GPHN: variants seen among roughly 807,000 people sequenced by gnomAD.
The protein encoded by GPHN is gephyrin.
GPHN carries 17 observed loss-of-function variants against 95.5 expected under a neutral mutation model. The ratio of observed to expected loss-of-function variants is 0.18; its 90% CI spans 0.12 to 0.27. GPHN has a LOEUF of 0.27. Ranked by LOEUF, GPHN falls within the 10% of genes least tolerant of loss-of-function variation. The probability of loss-of-function intolerance (pLI) is 1.00; values close to 1 mark genes in which losing one functional copy is unlikely to be tolerated. For missense variants in GPHN, 660 were observed against 978.1 expected (o/e 0.67, Z 4.34); for synonymous variants, 320 against 322.5 (o/e 0.99, Z 0.08).
the GPHN span, among the ~76,000 whole-genome samples, chr14:67,633,550 T>C: frequency 5.3e-5 from 8 of 152,216 alleles, no homozygotes; most frequent in African/African-American, 1.9e-4. Context: ...TGCCCCTCTA[T>C]TGCTGGACAC....
intron 11 of GPHN, among the ~76,000 whole-genome samples, chr14:67,069,220 A>G (rs1256605482): frequency 6.6e-6 from 1 of 152,146 alleles, no homozygotes; most frequent in African/African-American, 2.4e-5. Context: ...TGTGTAAATA[A>G]TTTTATTTTC....
the GPHN span, among the ~76,000 whole-genome samples, chr14:67,379,423 A>G: frequency 1.3e-5 from 2 of 151,812 alleles, no homozygotes; most frequent in Non-Finnish European, 2.9e-5. Context: ...AACCATTTGT[A>G]TTTCTTCTGT....
chr14:66,590,888 A>G (rs2061612235), intron 1 of GPHN, among the ~76,000 whole-genome samples: 1 of 152,196 alleles, frequency 6.6e-6, no homozygotes, highest in Admixed American at 6.5e-5. Context: ...TGATATGAAC[A>G]TCAATGCAAA....
At chr14:66,964,683 C>G (rs2069187852) in intron 8 of GPHN, among the ~76,000 whole-genome samples, 1 of 152,082 alleles carries the variant, frequency 6.6e-6, no homozygotes. Context: ...AGAGAGGGAG[C>G]TAGGAGAATA....
At chr14:67,112,006 A>T (rs1288093731) in intron 15 of GPHN, 87 bp downstream of exon 15, 5 of 1,006,202 alleles carry the variant, frequency 5.0e-6, no homozygotes, top group Non-Finnish European at 7.9e-6. Context: ...ATAAATCTGC[A>T]GCCATGTCAG....
chr14:66,762,554 A>G, intron 2 of GPHN, among the ~76,000 whole-genome samples: 2 of 47,940 alleles, frequency 4.2e-5, no homozygotes, highest in South Asian at 2.5e-3. Flanking sequence ...GAAGTGTCAC[A>G]TAGTAAAAAA....
chr14:67,419,264 A>T, the GPHN span, among the ~76,000 whole-genome samples: 62 of 151,544 alleles, frequency 4.1e-4, 2 homozygotes, highest in East Asian at 4.7e-3. Context: ...ATGTCTGAGG[A>T]CCCCCCAGCA....
chr14:66,806,717 G>C (rs545728946), intron 3 of GPHN, among the ~76,000 whole-genome samples: 1 of 152,330 alleles, frequency 6.6e-6, no homozygotes, highest in South Asian at 2.1e-4. Context: ...CTTTGCTCCA[G>C]TTCCCAAGAA....
chr14:66,691,188 T>TA (rs2067752398), intron 2 of GPHN, among the ~76,000 whole-genome samples: 1 of 149,052 alleles, frequency 6.7e-6, no homozygotes, highest in Non-Finnish European at 1.5e-5. Context: ...CAATTTTTAT[T>TA]TTTTTTTTTT....
At chr14:67,577,827 G>A in the GPHN span, among the ~76,000 whole-genome samples, 2 of 152,086 alleles carry the variant, frequency 1.3e-5, no homozygotes, top group African/African-American at 4.8e-5. Flanking sequence ...TTTTAAAAAG[G>A]AAACTTCTAT....
At chr14:66,851,042 A>C (rs2062560138) in intron 4 of GPHN, among the ~76,000 whole-genome samples, 1 of 152,092 alleles carries the variant, frequency 6.6e-6, no homozygotes, top group African/African-American at 2.4e-5. Context: ...TTTAGGAACA[A>C]AAATTCTGCC....
At chr14:67,174,776 C>T (rs1006720408) in intron 21 of GPHN, among the ~76,000 whole-genome samples, 2 of 152,224 alleles carry the variant, frequency 1.3e-5, no homozygotes, top group Non-Finnish European at 2.9e-5. Flanking sequence ...ACCATTCTAA[C>T]TGCCATGAGG....
At chr14:66,707,431 A>G (rs2069184016) in intron 2 of GPHN, among the ~76,000 whole-genome samples, 1 of 152,240 alleles carries the variant, frequency 6.6e-6, no homozygotes, top group Non-Finnish European at 1.5e-5. Flanking sequence ...CGTCAGTGAT[A>G]GATTGGATAA....
intron 13 of GPHN, among the ~76,000 whole-genome samples, chr14:67,104,080 A>T (rs1359808344): frequency 6.6e-6 from 1 of 152,034 alleles, no homozygotes; most frequent in African/African-American, 2.4e-5. Flanking sequence ...ACCATGAAGG[A>T]TTGTTGAATT....
the GPHN span, among the ~76,000 whole-genome samples, chr14:67,396,724 T>C: frequency 2.0e-5 from 3 of 152,266 alleles, no homozygotes. Context: ...TGACCCAGCC[T>C]GAAATATCTT....
the GPHN span, among the ~76,000 whole-genome samples, chr14:67,452,697 A>T: frequency 6.6e-6 from 1 of 152,158 alleles, no homozygotes; most frequent in Admixed American, 6.5e-5. Flanking sequence ...CTTGTTACTT[A>T]TCATCTGTGT....
At chr14:66,784,014 T>C (rs960399271) in intron 3 of GPHN, among the ~76,000 whole-genome samples, 1 of 151,998 alleles carries the variant, frequency 6.6e-6, no homozygotes, top group East Asian at 1.9e-4. Context: ...AATCACAGCA[T>C]GAGTGAGAAA....
chr14:66,538,615 C>CT (rs1361360016), intron 1 of GPHN, among the ~76,000 whole-genome samples: 1 of 151,434 alleles, frequency 6.6e-6, no homozygotes, highest in African/African-American at 2.4e-5. Flanking sequence ...AATAGGTTTC[C>CT]TTTTTTGTTG....
At chr14:66,753,631 A>G (rs946478937) in intron 2 of GPHN, among the ~76,000 whole-genome samples, 6 of 152,088 alleles carry the variant, frequency 3.9e-5, no homozygotes, top group Non-Finnish European at 7.4e-5. Flanking sequence ...GGTTTTATTT[A>G]TTAGACTGCC....
Sources: allele counts gnomAD v4.1 joint callset (sites outside exome capture counted in the v4.1 genomes callset), GRCh38; gene constraint gnomAD v4.1.1; transcripts MANE v1.5; gene names NCBI Gene and HGNC (gene_info 2026-07-23, HGNC 2026-07-21).